NPRL2: variants seen among roughly 807,000 people sequenced by gnomAD.
The protein encoded by NPRL2 is NPR2 like, GATOR1 complex subunit.
Under a neutral mutation model 51.1 loss-of-function variants are expected in NPRL2, and 21 were observed. That is an observed-to-expected ratio of 0.41 (90% CI 0.29 to 0.59). NPRL2 has a LOEUF of 0.59. Ranked by LOEUF, NPRL2 falls within the 20% of genes least tolerant of loss-of-function variation. NPRL2 has a pLI of 0.29. For synonymous variants in NPRL2, 175 were observed against 187.8 expected (o/e 0.93, Z 0.56); for missense variants, 376 against 483.4 (o/e 0.78, Z 2.08).
chr3:50,347,962 A>T (rs1025196339), intron 9 of NPRL2, 61 bp from the exon 10 acceptor site: 23 of 1,608,458 alleles, frequency 1.4e-5, no homozygotes, highest in Non-Finnish European at 1.9e-5. Flanking sequence ...AGGCAGGCCA[A>T]CCCTTTCCTG....
Position 50,349,675 on chromosome 3 carries a change from G to C in NPRL2, c.329C>G (p.Thr110Ser). The C allele has an allele frequency of 6.2e-7, 1 of 1,612,562 alleles. No individual in the cohort carries two copies. Among genetic ancestry groups the C allele is most frequent in the Non-Finnish European group, 8.5e-7 (1 of 1,179,056 alleles). ...PIVKKLAGYL[T>S]TLELESSFVS... ...CATCTCATTGCAGACCTCTAGTGTG[G>C]TCAGATAGCCAGCCAGCTTTTTAAC... The change falls in exon 3 of 11, where the codon ACC (threonine) becomes AGC (serine). Residue 110 changes from threonine (T) to serine (S), a missense_variant. Thr to Ser is a moderately conservative substitution (Grantham distance 58, BLOSUM62 1). Transcript: ENST00000232501. This position sits in a 1 kb window ranked among gnomAD's most constrained non-coding sequence, Gnocchi z 4.6.
chr3:50,347,791 C>T lies in NPRL2; in HGVS notation c.1043G>A (p.Cys348Tyr), dbSNP rs1172193124. The change falls in exon 10 of 11, where the codon TGC (cysteine) becomes TAC (tyrosine). Residue 348 changes from cysteine to tyrosine, a missense_variant. Transcript: ENST00000232501. Reference sequence around the variant, plus strand: ...GCAGCAGATCTCGTCATAGCTGTGGCAGCCTGTATAAAGCCGGGCAGGGTG... The same window carrying T: ...GCAGCAGATCTCGTCATAGCTGTGGTAGCCTGTATAAAGCCGGGCAGGGTG... ...QSHPARLYTGCHSYDEICCKT... is the reference protein window; with the variant it reads ...QSHPARLYTGYHSYDEICCKT... The T allele has an allele frequency of 1.2e-6, 2 of 1,613,974 alleles. No homozygotes were observed. Among genetic ancestry groups the T allele is most frequent in the Non-Finnish European group, 1.7e-6 (2 of 1,180,034 alleles).
In NPRL2 at chr3:50,349,954, C is replaced by T; in HGVS notation, c.147G>A (p.Glu49=). Residue 49 remains glutamate, a synonymous_variant, in exon 2 of 11, where the codon GAG becomes GAA. Coordinates refer to ENST00000232501, the MANE Select transcript of NPRL2 (RefSeq NM_006545.5). The surrounding 1 kb of genome is among the most constrained non-coding windows in gnomAD (Gnocchi z 4.6). ...TVQVYIITKP[E]LQNKLITVTA... Reference sequence around the variant, plus strand: ...ACACAGTGATAAGCTTGTTCTGCAGCTCTGGCTTGGTGATGATGTACACTT... The same window carrying T: ...ACACAGTGATAAGCTTGTTCTGCAGTTCTGGCTTGGTGATGATGTACACTT... 1 of 1,614,032 alleles carries T rather than the reference C, an allele frequency of 6.2e-7. No homozygotes were observed. Among genetic ancestry groups the T allele is most frequent in the Non-Finnish European group, 8.5e-7 (1 of 1,180,026 alleles).
In NPRL2 at chr3:50,347,766, G is replaced by C; in HGVS notation, c.1068C>G (p.Cys356Trp). 6.2e-7 allele frequency: 1 copy of C among 1,613,918 alleles called. No homozygotes were observed. The highest frequency in any genetic ancestry group is 2.2e-5 in the East Asian group (1 of 44,878). The stretch of plus-strand genomic sequence containing the variant: ...CTGCCCGCCTGCCTCCACCTGTCTT[G>C]CAGCAGATCTCGTCATAGCTGTGGC... ...TGCHSYDEIC[C>W]KTGMSYHELD... The change falls in exon 10 of 11, where the codon TGC (cysteine) becomes TGG (tryptophan). Residue 356 changes from cysteine to tryptophan, a missense_variant. Coordinates refer to ENST00000232501, the MANE Select transcript of NPRL2 (RefSeq NM_006545.5).
rs1703729359 is a variant in NPRL2 at position 50,350,695 on chromosome 3, C to T, written c.-43G>A. On this transcript the variant is annotated 5_prime_UTR_variant, in exon 1 of 11. Coordinates refer to ENST00000232501, the MANE Select transcript of NPRL2 (RefSeq NM_006545.5). This position sits in a 1 kb window ranked among gnomAD's most constrained non-coding sequence, Gnocchi z 5.7. Reference sequence around the variant, plus strand: ...GGCCCGTAGCTCCTCGTTCCTCGCGCAGAGGCGTCCCCACCTCCTGTGAAC... The same window carrying T: ...GGCCCGTAGCTCCTCGTTCCTCGCGTAGAGGCGTCCCCACCTCCTGTGAAC... 1 of 1,567,144 alleles carries T rather than the reference C, an allele frequency of 6.4e-7. No homozygotes were observed. Among genetic ancestry groups the T allele is most frequent in the East Asian group, 2.4e-5 (1 of 42,180 alleles).
At position 50,348,685 on chromosome 3, in the gene NPRL2, A is replaced by G. The variant is rs1559856358; in HGVS notation, c.683T>C (p.Leu228Pro). Residue 228 changes from leucine to proline, a missense_variant and splice_region_variant, in exon 6 of 11, where the codon CTG becomes CCG. Physicochemically the swap from Leu to Pro is moderately conservative, Grantham distance 98 (BLOSUM62 -3). Coordinates refer to ENST00000232501, the MANE Select transcript of NPRL2 (RefSeq NM_006545.5). The surrounding 1 kb of genome is among the most constrained non-coding windows in gnomAD (Gnocchi z 5.8). The part of the protein sequence containing the change: ...NLVRIAIQNL[L>P]YYGVVTLVSI... The stretch of plus-strand genomic sequence containing the variant: ...CAGGTATGACTGTAGGCCCACTCAC[A>G]GCAGGTTCTGGATAGCAATGCGCAC... The G allele has an allele frequency of 6.2e-7, 1 of 1,614,016 alleles. No homozygotes were observed. Among genetic ancestry groups the G allele is most frequent in the Non-Finnish European group, 8.5e-7 (1 of 1,180,026 alleles).
In NPRL2 at chr3:50,350,726, T is replaced by A. The variant is rs1215425973; in HGVS notation, c.-74A>T. The A allele has an allele frequency of 3.9e-6, 6 of 1,537,356 alleles. No individual in the cohort carries two copies. Among genetic ancestry groups the A allele is most frequent in the Non-Finnish European group, 4.4e-6 (5 of 1,141,768 alleles). On this transcript the variant is annotated 5_prime_UTR_variant, in exon 1 of 11. Coordinates refer to ENST00000232501, the MANE Select transcript of NPRL2 (RefSeq NM_006545.5). The surrounding 1 kb of genome is among the most constrained non-coding windows in gnomAD (Gnocchi z 5.7). ...CGTCCCCACCTCCTGTGAACACTTG[T>A]CAGAGACAGCCTCGAGGCCTGTGTC...
At position 50,348,259 on chromosome 3, in the gene NPRL2, C is replaced by G; in HGVS notation, c.815-18G>C. On this transcript the variant is annotated intron_variant, in intron 8 of 10. Coordinates refer to ENST00000232501, the MANE Select transcript of NPRL2 (RefSeq NM_006545.5). This position sits in a 1 kb window ranked among gnomAD's most constrained non-coding sequence, Gnocchi z 5.8. Reference sequence around the variant, plus strand: ...CTTGTGCCCTGTGGGTGCCAGGGATCAGCTCATCATGTGGCCCTGCCCTCC... The same window carrying G: ...CTTGTGCCCTGTGGGTGCCAGGGATGAGCTCATCATGTGGCCCTGCCCTCC... The G allele has an allele frequency of 6.2e-7, 1 of 1,613,824 alleles. No individual in the cohort carries two copies. Among genetic ancestry groups the G allele is most frequent in the Non-Finnish European group, 8.5e-7 (1 of 1,179,884 alleles).
At position 50,349,034 on chromosome 3, in the gene NPRL2, C is replaced by A; in HGVS notation, c.449-24G>T. 1.2e-6 allele frequency: 2 copies of A among 1,607,428 alleles called. No homozygotes were observed. Among genetic ancestry groups the A allele is most frequent in the Non-Finnish European group, 1.7e-6 (2 of 1,176,536 alleles). Reference sequence around the variant, plus strand: ...ATCTGCAGGGGGCCCCATCCATATCCTCAGTGCCACTTCTTCCAAGAGGTC... The same window carrying A: ...ATCTGCAGGGGGCCCCATCCATATCATCAGTGCCACTTCTTCCAAGAGGTC... On this transcript the variant is annotated intron_variant, in intron 4 of 10. Transcript: ENST00000232501. This position sits in a 1 kb window ranked among gnomAD's most constrained non-coding sequence, Gnocchi z 4.6.
chr3:50,348,693 C>T lies in NPRL2; in HGVS notation c.675G>A (p.Gln225=), dbSNP rs750835959. The change falls in exon 6 of 11, where the codon CAG becomes CAA. Residue 225 remains glutamine, a synonymous_variant. Coordinates refer to ENST00000232501, the MANE Select transcript of NPRL2 (RefSeq NM_006545.5). The surrounding 1 kb of genome is among the most constrained non-coding windows in gnomAD (Gnocchi z 5.8). ...ACTGTAGGCCCACTCACAGCAGGTT[C>T]TGGATAGCAATGCGCACCAGGTTGA... ...VELNLVRIAI[Q]NLLYYGVVTL... 4.4e-5 allele frequency: 71 copies of T among 1,613,924 alleles called. No homozygotes were observed. The Admixed American group carries it at 1.1e-3, about 25-fold the overall frequency.
chr3:50,348,923 T>C lies in NPRL2; in HGVS notation c.536A>G (p.Lys179Arg), dbSNP rs1488608961. ...TGAGTTGAAGAAATCCTCCTTGTCT[T>C]TGGTAAAGACAGGTACATCATACTC... Reference protein sequence around the residue: ...AQEYDVPVFTKDKEDFFNSQW... With the variant: ...AQEYDVPVFTRDKEDFFNSQW... The change falls in exon 5 of 11, where the codon AAA (lysine) becomes AGA (arginine). Residue 179 changes from lysine to arginine, a missense_variant. Coordinates refer to ENST00000232501, the MANE Select transcript of NPRL2 (RefSeq NM_006545.5). This position sits in a 1 kb window ranked among gnomAD's most constrained non-coding sequence, Gnocchi z 5.8. The C allele has an allele frequency of 6.2e-7, 1 of 1,613,992 alleles. No homozygotes were observed. The highest frequency in any genetic ancestry group is 2.2e-5 in the East Asian group (1 of 44,874).
At position 50,349,502 on chromosome 3, in the gene NPRL2, G is replaced by T; in HGVS notation, c.340-8C>A. 1.2e-6 allele frequency: 2 copies of T among 1,613,792 alleles called. No individual in the cohort carries two copies. The highest frequency in any genetic ancestry group is 2.7e-5 in the African/African-American group (2 of 75,014). On this transcript the variant is annotated splice_polypyrimidine_tract_variant and splice_region_variant and intron_variant, in intron 3 of 10. Coordinates refer to ENST00000232501, the MANE Select transcript of NPRL2 (RefSeq NM_006545.5). This position sits in a 1 kb window ranked among gnomAD's most constrained non-coding sequence, Gnocchi z 4.6. ...CACGAAGCTGCTCTCTAGCTAGACA[G>T]AGCATGGAAAGCATGGTGGGCACAT... is the stretch of plus-strand genomic sequence containing the variant.
Position 50,349,714 on chromosome 3 carries a change from G to C in NPRL2, c.290C>G (p.Ala97Gly). ...FVCDAQAKTC[A>G]LEPIVKKLAG... is the part of the protein sequence containing the mutation. ...CAGCTTTTTAACAATGGGCTCGAGG[G>C]CGCAGGTCTTGGCCTGGGCATCACA... Residue 97 changes from alanine to glycine, a missense_variant, in exon 3 of 11, where the codon GCC (alanine) becomes GGC (glycine). By Grantham distance (60) the Ala-to-Gly change is moderately conservative (BLOSUM62 0). Coordinates refer to ENST00000232501, the MANE Select transcript of NPRL2 (RefSeq NM_006545.5). This position sits in a 1 kb window ranked among gnomAD's most constrained non-coding sequence, Gnocchi z 4.6. The C allele has an allele frequency of 1.2e-6, 2 of 1,613,852 alleles. No homozygotes were observed. Among genetic ancestry groups the C allele is most frequent in the Non-Finnish European group, 1.7e-6 (2 of 1,179,946 alleles).
At position 50,348,678 on chromosome 3, in the gene NPRL2, C is replaced by T. The variant is rs1343207769; in HGVS notation, c.683+7G>A. ...CTTGTCCCAGGTATGACTGTAGGCC[C>T]ACTCACAGCAGGTTCTGGATAGCAA... On this transcript the variant is annotated splice_region_variant and intron_variant, in intron 6 of 10. Coordinates refer to ENST00000232501, the MANE Select transcript of NPRL2 (RefSeq NM_006545.5). This position sits in a 1 kb window ranked among gnomAD's most constrained non-coding sequence, Gnocchi z 5.8. 6.2e-7 allele frequency: 1 copy of T among 1,614,042 alleles called. No individual in the cohort carries two copies. Among genetic ancestry groups the T allele is most frequent in the Admixed American group, 1.7e-5 (1 of 60,012 alleles).
In NPRL2 at chr3:50,350,364, C is replaced by G; in HGVS notation, c.78+211G>C. On this transcript the variant is annotated intron_variant, in intron 1 of 10. Coordinates refer to ENST00000232501, the MANE Select transcript of NPRL2 (RefSeq NM_006545.5). This position sits in a 1 kb window ranked among gnomAD's most constrained non-coding sequence, Gnocchi z 5.7. ...ACCCCCCAACCGGATCCCTACAGCCCGATATCCTACAAACACTGCCAATGT... is the reference window on the plus strand; with the variant it reads ...ACCCCCCAACCGGATCCCTACAGCCGGATATCCTACAAACACTGCCAATGT... The G allele has an allele frequency of 1.6e-6, 1 of 630,724 alleles. No homozygotes were observed. The highest frequency in any genetic ancestry group is 2.9e-5 in the Admixed American group (1 of 34,090). The allele number at this position is 630,724 out of a possible 1,614,324, so 39.1% of individuals were successfully genotyped here. A position where few individuals can be genotyped will look rare whatever the true frequency, so the allele number is the denominator to read the frequency against.
In NPRL2 at chr3:50,347,637, T is replaced by C; in HGVS notation, c.1112A>G (p.Asn371Ser). 6.2e-7 allele frequency: 1 copy of C among 1,614,072 alleles called. No homozygotes were observed. Among genetic ancestry groups the C allele is most frequent in the Non-Finnish European group, 8.5e-7 (1 of 1,180,018 alleles). Reference protein sequence around the residue: ...SYHELDERLENDPNIIICWK With the variant: ...SYHELDERLESDPNIIICWK ...CCAGCAGATGATGATGTTGGGGTCA[T>C]TTTCAAGCCGCTCATCCAGCTCATG... Residue 371 changes from asparagine to serine, a missense_variant, in exon 11 of 11, where the codon AAT (asparagine) becomes AGT (serine). By Grantham distance (46) the Asn-to-Ser change is conservative. Transcript: ENST00000232501.
rs776610216 is a variant in NPRL2, at chr3:50,349,376, C to G, written c.448+10G>C. ...TACCCCTCTGCTGTCCTTGCAGAGG[C>G]TGGCCATACCAATGGGCAGAGTGCA... On this transcript the variant is annotated intron_variant, in intron 4 of 10. Coordinates refer to ENST00000232501, the MANE Select transcript of NPRL2 (RefSeq NM_006545.5). The surrounding 1 kb of genome is among the most constrained non-coding windows in gnomAD (Gnocchi z 4.6). 2.5e-6 allele frequency: 4 copies of G among 1,609,672 alleles called. No individual in the cohort carries two copies. The highest frequency in any genetic ancestry group is 3.4e-6 in the Non-Finnish European group (4 of 1,176,700).
Position 50,348,648 on chromosome 3 carries a change from G to A in NPRL2, c.683+37C>T, listed in dbSNP as rs773061946. ...GGGCCCCTGAGGTCTTCCCTGGCTGGTGACCTTGTCCCAGGTATGACTGTA... is the reference window on the plus strand; with the variant it reads ...GGGCCCCTGAGGTCTTCCCTGGCTGATGACCTTGTCCCAGGTATGACTGTA... On this transcript the variant is annotated intron_variant, in intron 6 of 10. Transcript: ENST00000232501. This position sits in a 1 kb window ranked among gnomAD's most constrained non-coding sequence, Gnocchi z 5.8. 1 of 1,613,802 alleles carries A rather than the reference G, an allele frequency of 6.2e-7. No homozygotes were observed. The highest frequency in any genetic ancestry group is 1.7e-5 in the Admixed American group (1 of 60,016).
Position 50,347,723 on chromosome 3 carries a change from G to A in NPRL2, c.1075+36C>T, listed in dbSNP as rs1476126300. 1.9e-6 allele frequency: 3 copies of A among 1,613,810 alleles called. No homozygotes were observed. In the East Asian group the frequency reaches 6.7e-5, roughly 36 times the overall value. ...TCAGTGGCCTTGGCCTGGCCACCCT[G>A]CCCTGAACCCACCCTGACTGCCCGC... is the stretch of plus-strand genomic sequence containing the variant. On this transcript the variant is annotated intron_variant, in intron 10 of 10. Transcript: ENST00000232501.
Sources: allele counts gnomAD v4.1 joint callset, GRCh38; gene constraint gnomAD v4.1.1; non-coding constraint Gnocchi (gnomAD v3.1); transcripts MANE v1.5; gene names NCBI Gene and HGNC (gene_info 2026-07-23, HGNC 2026-07-21).